The following TNIK variants were observed in gnomAD, a reference collection of about 807,000 sequenced individuals.
The protein encoded by TNIK is TRAF2 and NCK-interacting protein kinase.
Under a neutral mutation model 191.3 loss-of-function variants are expected in TNIK, and 49 were observed. The ratio of observed to expected loss-of-function variants is 0.26; its 90% confidence interval spans 0.20 to 0.32. The LOEUF (loss-of-function observed/expected upper bound fraction) is 0.32. Among genes scored for constraint, TNIK ranks in the 10% least tolerant of loss-of-function variants. The pLI, the probability that TNIK is intolerant of heterozygous loss-of-function variation, is 1.00. For missense variants in TNIK, 1,155 were observed against 1,702.3 expected, an observed-to-expected ratio of 0.68 and a Z score of 5.66; for synonymous variants, 594 against 600.9, an observed-to-expected ratio of 0.99 and a Z score of 0.17.
At chr3:171,434,634 ATT>A (rs1423108940) in intron 1 of TNIK, among the ~76,000 whole-genome samples, 1 of 151,798 alleles carries the variant, frequency 6.6e-6, no homozygotes, top group African/African-American at 2.4e-5. Flanking sequence ...ATTTTTTAAA[ATT>A]GTTTTTAGAG....
At chr3:171,175,857 C>T (rs1213991777) in intron 8 of TNIK, among the ~76,000 whole-genome samples, 1 of 152,262 alleles carries the variant, frequency 6.6e-6, no homozygotes, top group East Asian at 1.9e-4. Flanking sequence ...CCAGATATCC[C>T]GAATGGCTTT....
rs953166854 is a variant in TNIK at position 171,059,488 on chromosome 3, T to A, written c.*4393A>T. Among the ~76,000 whole-genome samples, 2 of 152,142 alleles carry A rather than the reference T, an allele frequency of 1.3e-5. No homozygotes were observed. The highest frequency in any genetic ancestry group is 2.9e-5 in the Non-Finnish European group (2 of 68,010). On this transcript the variant is annotated 3_prime_UTR_variant, in exon 33 of 33. Coordinates refer to ENST00000436636, the MANE Select transcript of TNIK (RefSeq NM_015028.4). ...GTTATCAATGGAAGAATTCCCAGAA[T>A]AATGGTGTAGAAATAAAAACAACCT...
At chr3:171,442,796 G>A (rs1193700698) in intron 1 of TNIK, among the ~76,000 whole-genome samples, 1 of 152,026 alleles carries the variant, frequency 6.6e-6, no homozygotes, top group East Asian at 1.9e-4. Context: ...ACTAAGATTG[G>A]TTTACCATGA....
At chr3:171,304,943 G>A (rs529874966) in intron 2 of TNIK, among the ~76,000 whole-genome samples, 25 of 150,348 alleles carry the variant, frequency 1.7e-4, no homozygotes, top group African/African-American at 6.1e-4. Flanking sequence ...CACCAACATG[G>A]CACATGGATA....
rs1333455108 is a variant in TNIK at position 171,059,470 on chromosome 3, A to G, written c.*4411T>C. Among the ~76,000 whole-genome samples, 1 of 152,180 alleles carries G rather than the reference A, an allele frequency of 6.6e-6. No homozygotes were observed. On this transcript the variant is annotated 3_prime_UTR_variant, in exon 33 of 33. Coordinates refer to ENST00000436636, the MANE Select transcript of TNIK (RefSeq NM_015028.4). Reference sequence around the variant, plus strand: ...AAACTGTTGAATATTCTAGTTATCAATGGAAGAATTCCCAGAATAATGGTG... The same window carrying G: ...AAACTGTTGAATATTCTAGTTATCAGTGGAAGAATTCCCAGAATAATGGTG...
intron 2 of TNIK, among the ~76,000 whole-genome samples, chr3:171,260,707 G>T (rs1171324186): frequency 3.9e-5 from 6 of 152,108 alleles, no homozygotes; most frequent in Non-Finnish European, 7.3e-5. Context: ...TTTCAGTTAG[G>T]CTCATTAAAA....
At chr3:171,275,457 A>G (rs1749616992) in intron 2 of TNIK, among the ~76,000 whole-genome samples, 1 of 152,166 alleles carries the variant, frequency 6.6e-6, no homozygotes, top group Admixed American at 6.5e-5. Context: ...CCATAAAACA[A>G]GAAGAGAATG....
intron 27 of TNIK, among the ~76,000 whole-genome samples, chr3:171,081,014 G>T (rs1213503161): frequency 1.3e-5 from 2 of 152,134 alleles, no homozygotes; most frequent in African/African-American, 2.4e-5. Context: ...CTCTTACACT[G>T]TTAAGAATGA....
At chr3:171,293,411 T>A (rs1751912241) in intron 2 of TNIK, among the ~76,000 whole-genome samples, 2 of 152,216 alleles carry the variant, frequency 1.3e-5, no homozygotes, top group African/African-American at 2.4e-5. Context: ...TGTGCACCAC[T>A]GGTAAACCAG....
intron 1 of TNIK, among the ~76,000 whole-genome samples, chr3:171,426,909 A>T (rs1724709903): frequency 6.6e-6 from 1 of 152,178 alleles, no homozygotes; most frequent in Non-Finnish European, 1.5e-5. Context: ...ATACCACTAA[A>T]AAATGATCAT....
chr3:171,235,041 T>G (rs1237667401), intron 2 of TNIK, among the ~76,000 whole-genome samples: 1 of 152,162 alleles, frequency 6.6e-6, no homozygotes, highest in Non-Finnish European at 1.5e-5. Flanking sequence ...ATTTATTCAT[T>G]TATTTATTTA....
At chr3:171,422,306 CATAA>C (rs1007779328) in intron 1 of TNIK, among the ~76,000 whole-genome samples, 61 of 152,052 alleles carry the variant, frequency 4.0e-4, no homozygotes, top group African/African-American at 1.2e-3. Context: ...AAAAGACATA[CATAA>C]ATAAAATATA....
chr3:171,167,561 A>G (rs1734760442), intron 9 of TNIK, among the ~76,000 whole-genome samples: 1 of 152,216 alleles, frequency 6.6e-6, no homozygotes, highest in Non-Finnish European at 1.5e-5. Context: ...GCAGGGAAGA[A>G]AAAGACCCCT....
At chr3:171,249,266 G>A (rs1234520111) in intron 2 of TNIK, among the ~76,000 whole-genome samples, 2 of 152,150 alleles carry the variant, frequency 1.3e-5, no homozygotes, top group Non-Finnish European at 2.9e-5. Flanking sequence ...TTAAGTCCAA[G>A]GCTGTGTCAG....
At chr3:171,437,119 T>C (rs1431984923) in intron 1 of TNIK, among the ~76,000 whole-genome samples, 1 of 152,234 alleles carries the variant, frequency 6.6e-6, no homozygotes, top group Non-Finnish European at 1.5e-5. Context: ...GTCAATTTAA[T>C]ACATTTGATT....
At chr3:171,257,046 C>A (rs1370319156) in intron 2 of TNIK, among the ~76,000 whole-genome samples, 1 of 152,142 alleles carries the variant, frequency 6.6e-6, no homozygotes, top group African/African-American at 2.4e-5. Flanking sequence ...TAAAGTGGAA[C>A]TGACATGACA....
chr3:171,100,892 AAAG>A (rs373659878), intron 22 of TNIK, among the ~76,000 whole-genome samples: 7 of 152,172 alleles, frequency 4.6e-5, no homozygotes, highest in Admixed American at 6.5e-5. Context: ...GGATCCAGAA[AAAG>A]AAGCCATGAA....
chr3:171,308,690 G>A (rs189480526), intron 2 of TNIK, among the ~76,000 whole-genome samples: 95 of 152,072 alleles, frequency 6.2e-4, no homozygotes, highest in African/African-American at 2.0e-3. Flanking sequence ...GACTCCATAG[G>A]GAGCTTAATT....
chr3:171,164,027 G>A (rs904464121), intron 10 of TNIK, among the ~76,000 whole-genome samples: 5 of 152,180 alleles, frequency 3.3e-5, no homozygotes, highest in African/African-American at 1.2e-4. Context: ...TGAACAAATG[G>A]AATTAGATCT....
Sources: gnomAD v4.1 joint callset for allele counts (sites outside exome capture counted in the v4.1 genomes callset) on GRCh38, gnomAD v4.1.1 for gene constraint, MANE v1.5 for transcripts, NCBI Gene and HGNC (gene_info 2026-07-23, HGNC 2026-07-21) for gene names.